STAT5B: variants seen among roughly 807,000 people sequenced by gnomAD.
STAT5B encodes transcription factor STAT5B.
A neutral mutation model predicts 107.8 loss-of-function variants in STAT5B; 21 were observed. The ratio of observed to expected loss-of-function variants is 0.19; its 90% CI spans 0.14 to 0.28. The LOEUF (loss-of-function observed/expected upper bound fraction) is 0.28. STAT5B is among the 10% of genes least tolerant of loss of function. STAT5B has a pLI of 1.00. For missense variants in STAT5B, 565 were observed against 1,008.2 expected (o/e 0.56, Z 5.95); for synonymous variants, 325 against 401.7 (o/e 0.81, Z 2.28).
chr17:42,272,141 A>G (rs1275173055), intron 1 of STAT5B: 4 of 152,224 alleles, frequency 2.6e-5, no homozygotes, highest in Non-Finnish European at 5.9e-5. Context: ...TGCAACATTT[A>G]TATTAAAAGT....
At chr17:42,262,995 TATATATATATATATATATATAAA>T (rs2080628766) in intron 1 of STAT5B, among the ~76,000 whole-genome samples, 1 of 68,918 alleles carries the variant, frequency 1.5e-5, no homozygotes, top group African/African-American at 7.5e-5. Flanking sequence ...TATATATATA[TATATATATATATATATATATAAA>T]AAAACAAAAA....
intron 1 of STAT5B, among the ~76,000 whole-genome samples, chr17:42,265,374 C>CTTTTTTTTTTTTTTTTTTTTTTTTTT (rs1275073687): frequency 2.0e-5 from 2 of 99,226 alleles, no homozygotes; most frequent in East Asian, 3.0e-4. Flanking sequence ...GGTATGTACT[C>CTTTTTTTTTTTTTTTTTTTTTTTTTT]TTCTTTTTTT....
At chr17:42,221,805 TTATATTCCA>T (rs2080228341) in intron 5 of STAT5B, among the ~76,000 whole-genome samples, 1 of 152,220 alleles carries the variant, frequency 6.6e-6, no homozygotes, top group Non-Finnish European at 1.5e-5. Flanking sequence ...TCTCAAAGAT[TTATATTCCA>T]GTGGAGAAGA....
At chr17:42,233,479 A>T (rs945535316) in intron 1 of STAT5B, among the ~76,000 whole-genome samples, 1 of 151,486 alleles carries the variant, frequency 6.6e-6, no homozygotes, top group African/African-American at 2.4e-5. Context: ...CTCCAATAGC[A>T]GGTAGTTTCT....
chr17:42,250,372 T>C (rs1163621369), intron 1 of STAT5B, among the ~76,000 whole-genome samples: 1 of 152,148 alleles, frequency 6.6e-6, no homozygotes, highest in Non-Finnish European at 1.5e-5. Flanking sequence ...GTTTGTTATG[T>C]TAAATTAAGC....
At chr17:42,214,300 G>A (rs2080153844) in intron 12 of STAT5B, 2 of 985,210 alleles carry the variant, frequency 2.0e-6, no homozygotes, top group South Asian at 9.4e-5. Context: ...TGGACAGGCA[G>A]GGAAGGAAAC....
At chr17:42,274,506 G>A (rs1053201539) in intron 1 of STAT5B, among the ~76,000 whole-genome samples, 1 of 152,094 alleles carries the variant, frequency 6.6e-6, no homozygotes, top group South Asian at 2.1e-4. Flanking sequence ...CTCTTATTTA[G>A]CCATGTCCAT....
the STAT5B span, among the ~76,000 whole-genome samples, chr17:42,282,852 G>A: frequency 6.6e-6 from 1 of 152,196 alleles, no homozygotes; most frequent in Admixed American, 6.5e-5. Context: ...GGTGGCCAAG[G>A]GAGGAATGAC....
chr17:42,205,926 A>C (rs893110369), intron 16 of STAT5B, among the ~76,000 whole-genome samples: 1 of 152,022 alleles, frequency 6.6e-6, no homozygotes, highest in Non-Finnish European at 1.5e-5. Context: ...ACAACAACAA[A>C]AAAAACAAAC....
intron 16 of STAT5B, among the ~76,000 whole-genome samples, chr17:42,205,408 C>T (rs1275094427): frequency 2.0e-5 from 3 of 152,098 alleles, no homozygotes; most frequent in Non-Finnish European, 2.9e-5. Context: ...CAACCTTTCA[C>T]CCTGAACTCC....
chr17:42,250,538 T>C (rs1358309402), intron 1 of STAT5B, among the ~76,000 whole-genome samples: 3 of 152,148 alleles, frequency 2.0e-5, no homozygotes, highest in Admixed American at 6.6e-5. Context: ...GCAGTAGTAA[T>C]AGAATTATAA....
chr17:42,263,505 A>G (rs146386417), intron 1 of STAT5B, among the ~76,000 whole-genome samples: 122 of 152,100 alleles, frequency 8.0e-4, no homozygotes, highest in African/African-American at 2.9e-3. Context: ...GATTCCCTGT[A>G]TTATCATCTG....
intron 16 of STAT5B, 131 bp downstream of exon 16, chr17:42,207,427 G>A: frequency 2.5e-6 from 3 of 1,214,374 alleles, no homozygotes; most frequent in Non-Finnish European, 3.6e-6. Context: ...TGCTCAAACT[G>A]CTCTCACTGA....
chr17:42,234,650 A>G (rs2080342978), intron 1 of STAT5B: 1 of 152,298 alleles, frequency 6.6e-6, no homozygotes, highest in Admixed American at 6.5e-5. Context: ...ACCTGAGGTC[A>G]GGAGTTCGGG....
chr17:42,262,898 A>G (rs866714717), intron 1 of STAT5B, among the ~76,000 whole-genome samples: 92 of 122,536 alleles, frequency 7.5e-4, no homozygotes, highest in Middle Eastern at 4.1e-3. Context: ...ATATGTGTGT[A>G]TATATATGTG....
chr17:42,249,582 C>T (rs1465464791), intron 1 of STAT5B, among the ~76,000 whole-genome samples: 1 of 151,934 alleles, frequency 6.6e-6, no homozygotes, highest in African/African-American at 2.4e-5. Flanking sequence ...GATATATATA[C>T]AATGAATATA....
rs765082305 is a variant in STAT5B at position 42,225,075 on chromosome 17, G to C, written c.286-207C>G. The stretch of plus-strand genomic sequence containing the variant: ...TTTTACTTCTTTTTTCTTTTTTTGA[G>C]ACTGAGTCTCACTCTGTTGCCCAGG... On this transcript the variant is annotated intron_variant, in intron 3 of 18. Transcript: ENST00000293328. 1.7e-4 allele frequency among the ~76,000 whole-genome samples: 26 copies of C among 151,938 alleles called. 1 individual carries two copies. The highest frequency in any genetic ancestry group is 3.9e-4 in the Admixed American group (6 of 15,246).
intron 16 of STAT5B, among the ~76,000 whole-genome samples, chr17:42,204,483 T>C (rs1321476117): frequency 6.6e-6 from 1 of 152,240 alleles, no homozygotes; most frequent in Non-Finnish European, 1.5e-5. Flanking sequence ...AATTGCTTAT[T>C]ACCCTAATCT....
chr17:42,224,995 A>T, intron 3 of STAT5B, 127 bp from the exon 4 acceptor site: 1 of 841,026 alleles, frequency 1.2e-6, no homozygotes, highest in Non-Finnish European at 2.0e-6. Context: ...TCCAATACCA[A>T]CAGGAACAAG....
Sources: allele counts gnomAD v4.1 joint callset (sites outside exome capture counted in the v4.1 genomes callset), GRCh38; gene constraint gnomAD v4.1.1; transcripts MANE v1.5; gene names NCBI Gene and HGNC (gene_info 2026-07-23, HGNC 2026-07-21).